SIPA1L3: variants seen among roughly 807,000 people sequenced by gnomAD.
SIPA1L3 encodes the protein signal-induced proliferation-associated 1-like protein 3.
SIPA1L3 carries 59 observed loss-of-function variants against 150.1 expected under a neutral mutation model. That is an observed-to-expected ratio of 0.39 (90% CI 0.32 to 0.49). SIPA1L3 has a LOEUF of 0.49. Ranked by LOEUF, SIPA1L3 falls within the 20% of genes least tolerant of loss-of-function variation. The pLI, the probability that SIPA1L3 is intolerant of heterozygous loss-of-function variation, is 0.86. For missense variants in SIPA1L3, 2,211 were observed against 2,489.5 expected (o/e 0.89, Z 2.38); for synonymous variants, 1,070 against 1,077.6 (o/e 0.99, Z 0.14).
At chr19:37,954,608 A>G (rs1013678621) in intron 1 of SIPA1L3, among the ~76,000 whole-genome samples, 3 of 152,160 alleles carry the variant, frequency 2.0e-5, no homozygotes, top group African/African-American at 7.2e-5. Flanking sequence ...ATACTCCTGT[A>G]TCTGTTAAGT....
intron 3 of SIPA1L3, among the ~76,000 whole-genome samples, chr19:38,085,708 G>C (rs1464288855): frequency 1.3e-5 from 2 of 152,118 alleles, no homozygotes; most frequent in African/African-American, 4.8e-5. Context: ...AAATGGATCA[G>C]GCTGGCTGAG....
At chr19:37,938,154 A>T (rs555788325) in intron 1 of SIPA1L3, among the ~76,000 whole-genome samples, 3 of 152,234 alleles carry the variant, frequency 2.0e-5, no homozygotes, top group African/African-American at 7.2e-5. Flanking sequence ...ACTGGGACTC[A>T]TGCATTTTTA....
chr19:37,995,864 G>A (rs966943969), intron 1 of SIPA1L3, among the ~76,000 whole-genome samples: 2 of 152,132 alleles, frequency 1.3e-5, no homozygotes, highest in Non-Finnish European at 2.9e-5. Context: ...GGCTGGAGTC[G>A]GGCAGATCCT....
Position 38,047,169 on chromosome 19 carries a change from C to T in SIPA1L3, c.-311+18013C>T, listed in dbSNP as rs970852908. ...GGCAGAACCAGGATTTGAACCCAGA[C>T]CATCTGGCTTCATAATCACTCTGCT... On this transcript the variant is annotated intron_variant, in intron 2 of 21. Coordinates refer to ENST00000222345, the MANE Select transcript of SIPA1L3 (RefSeq NM_015073.3). The surrounding 1 kb of genome is among the most constrained non-coding windows in gnomAD (Gnocchi z 4.7). Among the ~76,000 whole-genome samples the T allele has an allele frequency of 4.6e-5, 7 of 152,184 alleles. No homozygotes were observed. The highest frequency in any genetic ancestry group is 8.8e-5 in the Non-Finnish European group (6 of 68,034).
chr19:38,106,447 C>A, intron 6 of SIPA1L3, 90 bp from the exon 7 acceptor site: 1 of 849,898 alleles, frequency 1.2e-6, no homozygotes, highest in Non-Finnish European at 2.1e-6. Context: ...GTGAAAGCAC[C>A]AAGTTAAAAA....
At chr19:38,097,102 A>C (rs1970396562) in intron 4 of SIPA1L3, among the ~76,000 whole-genome samples, 1 of 152,218 alleles carries the variant, frequency 6.6e-6, no homozygotes, top group Non-Finnish European at 1.5e-5. Flanking sequence ...TAATCCTGGC[A>C]CTTCAGGAGG....
rs1972726730 is a variant in SIPA1L3, at chr19:38,188,038, A to G, written c.4431-4107A>G. Among the ~76,000 whole-genome samples the G allele has an allele frequency of 2.0e-5, 3 of 152,030 alleles. No individual in the cohort carries two copies. In the South Asian group the frequency reaches 6.2e-4, roughly 32 times the overall value. On this transcript the variant is annotated intron_variant, in intron 16 of 21. Coordinates refer to ENST00000222345, the MANE Select transcript of SIPA1L3 (RefSeq NM_015073.3). ...ATATATAAAATATTAACTTAGAATT[A>G]TTATTTTTGTTCATACATTCCCCTT...
intron 1 of SIPA1L3, among the ~76,000 whole-genome samples, chr19:37,976,243 G>A (rs1967073960): frequency 6.6e-6 from 1 of 152,138 alleles, no homozygotes; most frequent in South Asian, 2.1e-4. Context: ...TTGTCCTGGA[G>A]GGGATTTCCT....
At chr19:38,053,639 T>G (rs951386607) in intron 2 of SIPA1L3, among the ~76,000 whole-genome samples, 2 of 151,974 alleles carry the variant, frequency 1.3e-5, no homozygotes, top group Non-Finnish European at 2.9e-5. Context: ...TCACTGCAGC[T>G]TCACAGTCCT....
chr19:38,158,552 G>A (rs1972001589), intron 13 of SIPA1L3, among the ~76,000 whole-genome samples: 1 of 152,210 alleles, frequency 6.6e-6, no homozygotes, highest in Non-Finnish European at 1.5e-5. Flanking sequence ...GGAGGGGCAG[G>A]ATCTGACTCG....
intron 8 of SIPA1L3, among the ~76,000 whole-genome samples, chr19:38,117,259 C>T (rs542643297): frequency 2.0e-5 from 3 of 152,296 alleles, no homozygotes; most frequent in East Asian, 3.9e-4. Flanking sequence ...TGGCTGGCTG[C>T]TCGCCGGGCT....
At chr19:38,159,813 C>T (rs1226991441) in intron 13 of SIPA1L3, among the ~76,000 whole-genome samples, 3 of 152,152 alleles carry the variant, frequency 2.0e-5, no homozygotes, top group African/African-American at 7.2e-5. Context: ...CTTACCATAG[C>T]GCCTGACACA....
intron 18 of SIPA1L3, among the ~76,000 whole-genome samples, chr19:38,196,989 A>C (rs1440157145): frequency 6.6e-6 from 1 of 152,212 alleles, no homozygotes; most frequent in Non-Finnish European, 1.5e-5. Context: ...ACAAGTGAAT[A>C]TGTGGAAAGC....
At chr19:37,968,118 G>A (rs1243124202) in intron 1 of SIPA1L3, among the ~76,000 whole-genome samples, 1 of 92,432 alleles carries the variant, frequency 1.1e-5, no homozygotes, top group East Asian at 9.6e-4. Context: ...TTTGTCTCTA[G>A]GCTAGAGTGC....
chr19:38,070,897 A>C (rs1034890261), intron 2 of SIPA1L3, among the ~76,000 whole-genome samples: 1 of 152,212 alleles, frequency 6.6e-6, no homozygotes, highest in Non-Finnish European at 1.5e-5. Context: ...CTTAGCCTCC[A>C]TGGCCGTGAC....
At chr19:38,068,713 C>T (rs960212106) in intron 2 of SIPA1L3, among the ~76,000 whole-genome samples, 2 of 152,024 alleles carry the variant, frequency 1.3e-5, no homozygotes, top group Admixed American at 6.6e-5. Context: ...AAAAATTAGC[C>T]GGTTGTGGTG....
intron 1 of SIPA1L3, among the ~76,000 whole-genome samples, chr19:37,970,902 C>T (rs935073461): frequency 1.3e-5 from 2 of 152,224 alleles, no homozygotes; most frequent in African/African-American, 4.8e-5. Flanking sequence ...GCCCAGGCCC[C>T]TGCCGTCTTG....
At chr19:38,042,255 C>CT (rs1383959282) in intron 2 of SIPA1L3, among the ~76,000 whole-genome samples, 2 of 152,112 alleles carry the variant, frequency 1.3e-5, no homozygotes, top group Non-Finnish European at 2.9e-5. Context: ...CTTTGAAAGG[C>CT]TCAGTTTCAT....
chr19:37,935,401 T>G (rs903958964), intron 1 of SIPA1L3, among the ~76,000 whole-genome samples: 1 of 152,256 alleles, frequency 6.6e-6, no homozygotes, highest in African/African-American at 2.4e-5. Context: ...TTAGGGACTA[T>G]GCTTGTGTTC....
Sources: allele counts gnomAD v4.1 joint callset (sites outside exome capture counted in the v4.1 genomes callset), GRCh38; gene constraint gnomAD v4.1.1; non-coding constraint Gnocchi (gnomAD v3.1); transcripts MANE v1.5; gene names NCBI Gene and HGNC (gene_info 2026-07-23, HGNC 2026-07-21).